The following MAP3K2 variants were observed in gnomAD, a reference collection of about 807,000 sequenced individuals.
MAP3K2 encodes mitogen-activated protein kinase kinase kinase 2, also known as MAP/ERK kinase kinase 2.
In MAP3K2, 24 loss-of-function variants were observed where a neutral mutation model predicts 80.3. The ratio of observed to expected loss-of-function variants is 0.30; its 90% confidence interval spans 0.22 to 0.42. The LOEUF is 0.42. Ranked by LOEUF, MAP3K2 falls within the 10% of genes least tolerant of loss-of-function variation. The pLI, the probability that MAP3K2 is intolerant of heterozygous loss-of-function variation, is 1.00. For synonymous variants in MAP3K2, 244 were observed against 253.7 expected (o/e 0.96, Z 0.36); for missense variants, 608 against 750.1 (o/e 0.81, Z 2.21).
intron 1 of MAP3K2, among the ~76,000 whole-genome samples, chr2:127,382,665 T>G (rs898244883): frequency 6.6e-6 from 1 of 152,238 alleles, no homozygotes; most frequent in Non-Finnish European, 1.5e-5. Context: ...CCCAAGTATC[T>G]GGGACTACTG....
chr2:127,353,175 A>G, intron 1 of MAP3K2, among the ~76,000 whole-genome samples: 2 of 140,432 alleles, frequency 1.4e-5, no homozygotes, highest in African/African-American at 2.7e-5. Context: ...CTGGGATGTG[A>G]GGAGCCCCTC....
chr2:127,355,731 C>T (rs1573999733), intron 1 of MAP3K2, among the ~76,000 whole-genome samples: 3 of 152,188 alleles, frequency 2.0e-5, no homozygotes, highest in Middle Eastern at 3.4e-3. Flanking sequence ...AATAAGTTTG[C>T]CGTGTCAATT....
In MAP3K2 at chr2:127,364,259, T is replaced by A. The variant is rs562533229; in HGVS notation, c.-65-21065A>T. 3.9e-5 allele frequency among the ~76,000 whole-genome samples: 6 copies of A among 152,098 alleles called. No homozygotes were observed. Among genetic ancestry groups the A allele is most frequent in the Non-Finnish European group, 8.8e-5 (6 of 68,010 alleles). ...CAAAACAATTTACCCAGGAAACCATTCGGATAACCAAAAGAAGCAAATAGA... is the reference window on the plus strand; with the variant it reads ...CAAAACAATTTACCCAGGAAACCATACGGATAACCAAAAGAAGCAAATAGA... On this transcript the variant is annotated intron_variant, in intron 1 of 16. Coordinates refer to ENST00000682094, the MANE Select transcript of MAP3K2 (RefSeq NM_001371910.2). This position sits in a 1 kb window ranked among gnomAD's most constrained non-coding sequence, Gnocchi z 4.1.
At chr2:127,363,488 T>G (rs1300833813) in intron 1 of MAP3K2, among the ~76,000 whole-genome samples, 2 of 152,146 alleles carry the variant, frequency 1.3e-5, no homozygotes, top group African/African-American at 4.8e-5. Flanking sequence ...GTTTAACACT[T>G]TCTATTGCAA....
chr2:127,361,786 G>C (rs1192467639), intron 1 of MAP3K2, among the ~76,000 whole-genome samples: 3 of 152,192 alleles, frequency 2.0e-5, no homozygotes, highest in Admixed American at 6.5e-5. Flanking sequence ...AAGTATTGTA[G>C]AATGTTTTAG....
At chr2:127,318,134 T>C (rs1216881412) in intron 13 of MAP3K2, 35 bp downstream of exon 13, 1 of 1,526,488 alleles carries the variant, frequency 6.6e-7, no homozygotes, top group South Asian at 1.3e-5. Flanking sequence ...AAGTTTCTTA[T>C]AATGTGACAA....
Position 127,311,949 on chromosome 2 carries a change from C to G in MAP3K2, c.1456+2805G>C, listed in dbSNP as rs764562500. 1.6e-4 allele frequency among the ~76,000 whole-genome samples: 25 copies of G among 152,068 alleles called. No individual in the cohort carries two copies. The Middle Eastern group carries it at 0.017, about 103-fold the overall frequency. On this transcript the variant is annotated intron_variant, in intron 15 of 16. Coordinates refer to ENST00000682094, the MANE Select transcript of MAP3K2 (RefSeq NM_001371910.2). The stretch of plus-strand genomic sequence containing the variant: ...TGTTTGCCTATAGCTTTCTCATGGT[C>G]TAGATTTTGCTGACTGCGTCCCAAA...
In MAP3K2 at chr2:127,299,644, G is replaced by A. The variant is rs567361759; in HGVS notation, c.*7935C>T. 9 of 152,136 alleles carry A rather than the reference G, an allele frequency of 5.9e-5. No individual in the cohort carries two copies. Among genetic ancestry groups the A allele is most frequent in the East Asian group, 3.9e-4 (2 of 5,188 alleles). 9.4% of individuals were successfully genotyped at this position (152,136 alleles called of 1,614,324 possible). ...ATTTTTCCCTTAATTTGCATTTCACGGAATTCTCAAAGAGAATTTAATGCT... is the reference window on the plus strand; with the variant it reads ...ATTTTTCCCTTAATTTGCATTTCACAGAATTCTCAAAGAGAATTTAATGCT... On this transcript the variant is annotated 3_prime_UTR_variant, in exon 17 of 17. Coordinates refer to ENST00000682094, the MANE Select transcript of MAP3K2 (RefSeq NM_001371910.2).
Position 127,300,730 on chromosome 2 carries a change from T to C in MAP3K2, c.*6849A>G, listed in dbSNP as rs1459238299. Reference sequence around the variant, plus strand: ...AAGAAGTATTCTTATCCTTAGACACTGTACTTTCAATTGAATAGGGTGTAT... The same window carrying C: ...AAGAAGTATTCTTATCCTTAGACACCGTACTTTCAATTGAATAGGGTGTAT... On this transcript the variant is annotated 3_prime_UTR_variant, in exon 17 of 17. Coordinates refer to ENST00000682094, the MANE Select transcript of MAP3K2 (RefSeq NM_001371910.2). 6.6e-6 allele frequency: 1 copy of C among 152,238 alleles called. No homozygotes were observed. Among genetic ancestry groups the C allele is most frequent in the Non-Finnish European group, 1.5e-5 (1 of 68,034 alleles). The allele number at this position is 152,238 out of a possible 1,614,324, so 9.4% of individuals were successfully genotyped here. A position where few individuals can be genotyped will look rare whatever the true frequency, so the allele number is the denominator to read the frequency against.
chr2:127,337,813 T>C lies in MAP3K2; in HGVS notation c.124-35A>G, dbSNP rs749363567. 7.1e-6 allele frequency: 9 copies of C among 1,264,276 alleles called. No individual in the cohort carries two copies. In the South Asian group the frequency reaches 7.1e-5, roughly 10 times the overall value. 78.3% of individuals were successfully genotyped at this position (1,264,276 alleles called of 1,614,324 possible). On this transcript the variant is annotated intron_variant, in intron 3 of 16. Transcript: ENST00000682094. ...AATGACAAATCAGTCTTTCAGAGAT[T>C]AGACAGATCATTCAGAGATTAGATA...
chr2:127,319,249 A>AC (rs1558975175), intron 12 of MAP3K2, among the ~76,000 whole-genome samples: 1 of 151,854 alleles, frequency 6.6e-6, no homozygotes, highest in Non-Finnish European at 1.5e-5. Context: ...AAAAAAAAAA[A>AC]AAAAACCCTA....
intron 14 of MAP3K2, among the ~76,000 whole-genome samples, chr2:127,315,489 G>A (rs1685883204): frequency 6.6e-6 from 1 of 152,142 alleles, no homozygotes; most frequent in South Asian, 2.1e-4. Context: ...CACTGTTTAT[G>A]AGCCATCCTT....
rs1558976899 is a variant in MAP3K2 at position 127,324,254 on chromosome 2, A to C, written c.678-13T>G. ...TGGATAGCTCTCTCTATAAAGAAAA[A>C]ACATCACATTAAGTTTACAGAAAGA... On this transcript the variant is annotated splice_polypyrimidine_tract_variant and intron_variant, in intron 9 of 16. Coordinates refer to ENST00000682094, the MANE Select transcript of MAP3K2 (RefSeq NM_001371910.2). The C allele has an allele frequency of 3.4e-6, 5 of 1,481,814 alleles. No individual in the cohort carries two copies. The highest frequency in any genetic ancestry group is 4.6e-6 in the Non-Finnish European group (5 of 1,094,246). 91.8% of individuals were successfully genotyped at this position (1,481,814 alleles called of 1,614,324 possible).
intron 1 of MAP3K2, among the ~76,000 whole-genome samples, chr2:127,346,980 G>C (rs1322595810): frequency 6.6e-6 from 1 of 151,874 alleles, no homozygotes; most frequent in Non-Finnish European, 1.5e-5. Context: ...GACAGAGCGA[G>C]ACTCTGTCTC....
intron 2 of MAP3K2, 28 bp downstream of exon 2, chr2:127,343,098 C>T (rs1214172192): frequency 3.9e-6 from 6 of 1,542,062 alleles, no homozygotes; most frequent in Non-Finnish European, 5.3e-6. Context: ...TTAATTATTG[C>T]TGAAAAATGC....
intron 1 of MAP3K2, among the ~76,000 whole-genome samples, chr2:127,370,442 T>C (rs1687043509): frequency 6.6e-6 from 1 of 152,196 alleles, no homozygotes. Context: ...GTGAAAAAAC[T>C]GCGGTCAGTA....
chr2:127,365,544 C>T (rs896123091), intron 1 of MAP3K2, among the ~76,000 whole-genome samples: 2 of 152,190 alleles, frequency 1.3e-5, no homozygotes, highest in African/African-American at 4.8e-5. Flanking sequence ...CGCAGCTCTC[C>T]TCTGCTCTGT....
chr2:127,374,384 A>G (rs767180104), intron 1 of MAP3K2, among the ~76,000 whole-genome samples: 10 of 152,160 alleles, frequency 6.6e-5, no homozygotes, highest in Admixed American at 1.3e-4. Context: ...TATGGCAATG[A>G]TCAAGCAGAC....
chr2:127,328,493 TGAA>T (rs1435989969), intron 7 of MAP3K2, among the ~76,000 whole-genome samples: 7 of 152,374 alleles, frequency 4.6e-5, no homozygotes, highest in Admixed American at 2.6e-4. Context: ...GATTTAAAGA[TGAA>T]GACACATTTA....
Sources: allele counts gnomAD v4.1 joint callset (sites outside exome capture counted in the v4.1 genomes callset), GRCh38; gene constraint gnomAD v4.1.1; non-coding constraint Gnocchi (gnomAD v3.1); transcripts MANE v1.5; gene names NCBI Gene and HGNC (gene_info 2026-07-23, HGNC 2026-07-21).